Variants in STK39 observed in about 807,000 individuals in gnomAD.
The protein encoded by STK39 is serine/threonine kinase 39, also known as STE20/SPS1-related proline-alanine-rich protein kinase.
A neutral mutation model predicts 77.8 loss-of-function variants in STK39; 20 were observed. The observed-to-expected ratio is 0.26, with a 90% confidence interval of 0.18 to 0.37. The LOEUF is 0.37. Among genes scored for constraint, STK39 ranks in the 10% least tolerant of loss-of-function variants. STK39 has a pLI of 1.00. For missense variants in STK39, 479 were observed against 656.5 expected, an observed-to-expected ratio of 0.73 and a Z score of 2.95; for synonymous variants, 246 against 234.1, an observed-to-expected ratio of 1.05 and a Z score of -0.47.
intron 12 of STK39, among the ~76,000 whole-genome samples, chr2:168,069,020 G>A (rs868547811): frequency 1.9e-4 from 29 of 152,086 alleles, no homozygotes; most frequent in Admixed American, 1.1e-3. Flanking sequence ...GGGTTCAAGC[G>A]ATTCTCCTGC....
intron 8 of STK39, among the ~76,000 whole-genome samples, chr2:168,131,142 G>T (rs1282617938): frequency 6.6e-6 from 1 of 152,172 alleles, no homozygotes; most frequent in Admixed American, 6.5e-5. Flanking sequence ...AAAGTATTAA[G>T]TCTTTTACTT....
chr2:168,218,200 A>G (rs141532572), intron 1 of STK39, among the ~76,000 whole-genome samples: 87 of 152,330 alleles, frequency 5.7e-4, no homozygotes, highest in Non-Finnish European at 1.0e-3. Context: ...CCACACTCTA[A>G]CAAAGCTTCT....
At chr2:167,992,110 C>A (rs1036386736) in intron 16 of STK39, among the ~76,000 whole-genome samples, 4 of 152,136 alleles carry the variant, frequency 2.6e-5, no homozygotes, top group African/African-American at 7.2e-5. Flanking sequence ...GTCTGAAGTT[C>A]AAAAGTCTTC....
intron 1 of STK39, among the ~76,000 whole-genome samples, chr2:168,207,238 T>A (rs1029943360): frequency 1.3e-5 from 2 of 152,268 alleles, no homozygotes; most frequent in African/African-American, 2.4e-5. Flanking sequence ...ATTTCTTTAA[T>A]TCTCCTTTTT....
At chr2:168,108,194 C>G (rs1254805319) in intron 10 of STK39, among the ~76,000 whole-genome samples, 1 of 152,098 alleles carries the variant, frequency 6.6e-6, no homozygotes, top group Non-Finnish European at 1.5e-5. Context: ...TGTCTTGACT[C>G]GACGGTATAC....
At chr2:168,183,620 A>G (rs1357856036) in intron 1 of STK39, among the ~76,000 whole-genome samples, 1 of 152,200 alleles carries the variant, frequency 6.6e-6, no homozygotes, top group Non-Finnish European at 1.5e-5. Flanking sequence ...GTTCAACAGA[A>G]GACAAACAAC....
rs757466218 is a variant in STK39, at chr2:168,167,396, T to C, written c.333A>G (p.Gln111=). The part of the protein sequence containing the change: ...TSMDELLKEI[Q]AMSQCSHPNV... ...TGGGATGGCTGCACTGACTCATGGCTTGAATTTCTTTCTATAAAAAGAGCA... is the reference window on the plus strand; with the variant it reads ...TGGGATGGCTGCACTGACTCATGGCCTGAATTTCTTTCTATAAAAAGAGCA... Residue 111 remains glutamine, a synonymous_variant, in exon 3 of 18, where the codon CAA becomes CAG. Transcript: ENST00000355999. 1.2e-5 allele frequency: 20 copies of C among 1,613,448 alleles called. No homozygotes were observed. The highest frequency in any genetic ancestry group is 1.7e-4 in the Middle Eastern group (1 of 6,056).
intron 16 of STK39, among the ~76,000 whole-genome samples, chr2:167,987,302 C>A (rs879786512): frequency 4.6e-5 from 7 of 152,036 alleles, no homozygotes; most frequent in Non-Finnish European, 4.4e-5. Flanking sequence ...AGAGGATTTA[C>A]AGATTTAGAT....
intron 10 of STK39, among the ~76,000 whole-genome samples, chr2:168,080,981 T>C (rs1686214915): frequency 6.6e-6 from 1 of 152,194 alleles, no homozygotes; most frequent in Non-Finnish European, 1.5e-5. Context: ...TTTAGGAGGA[T>C]ATATGGAAAC....
chr2:168,072,199 A>G lies in STK39; in HGVS notation c.1242+2783T>C, dbSNP rs1463053374. On this transcript the variant is annotated intron_variant, in intron 12 of 17. Coordinates refer to ENST00000355999, the MANE Select transcript of STK39 (RefSeq NM_013233.3). The stretch of plus-strand genomic sequence containing the variant: ...ATTCATGTTTTAAAAATGACACGCT[A>G]GATTTTTTAATGAACATATTAGTAT... Among the ~76,000 whole-genome samples, 2 of 152,218 alleles carry G rather than the reference A, an allele frequency of 1.3e-5. 1 individual carries two copies. The highest frequency in any genetic ancestry group is 3.8e-4 in the East Asian group (2 of 5,200).
At chr2:168,201,195 C>T (rs1204070225) in intron 1 of STK39, among the ~76,000 whole-genome samples, 1 of 152,234 alleles carries the variant, frequency 6.6e-6, no homozygotes, top group African/African-American at 2.4e-5. Context: ...CTCACACTTT[C>T]ATTTATTAAG....
chr2:168,206,073 A>T (rs1346670968), intron 1 of STK39, among the ~76,000 whole-genome samples: 1 of 152,186 alleles, frequency 6.6e-6, no homozygotes. Context: ...TATAATATTC[A>T]TCTGGTCTAC....
intron 17 of STK39, among the ~76,000 whole-genome samples, chr2:167,956,856 G>A (rs568382164): frequency 6.6e-6 from 1 of 151,876 alleles, no homozygotes; most frequent in South Asian, 2.1e-4. Flanking sequence ...CTGGGAATGG[G>A]CAATTAATTA....
chr2:168,094,267 T>G (rs1306356791), intron 10 of STK39, among the ~76,000 whole-genome samples: 1 of 152,198 alleles, frequency 6.6e-6, no homozygotes, highest in Non-Finnish European at 1.5e-5. Flanking sequence ...GAGTCTTATC[T>G]CTGTAGCCTC....
chr2:168,022,851 A>G (rs745867552), intron 14 of STK39, among the ~76,000 whole-genome samples: 1 of 152,250 alleles, frequency 6.6e-6, no homozygotes, highest in African/African-American at 2.4e-5. Flanking sequence ...AGAAAAATAA[A>G]GCCACAGAAA....
chr2:168,123,738 G>A (rs1215922763), intron 10 of STK39, among the ~76,000 whole-genome samples: 4 of 151,570 alleles, frequency 2.6e-5, no homozygotes, highest in Non-Finnish European at 4.4e-5. Flanking sequence ...GCATGGTGGC[G>A]GGCACCTGTA....
intron 1 of STK39, among the ~76,000 whole-genome samples, chr2:168,209,229 A>G (rs547778134): frequency 6.6e-6 from 1 of 152,348 alleles, no homozygotes; most frequent in South Asian, 2.1e-4. Context: ...GTCTTAAGCA[A>G]AATCAAATAA....
chr2:168,039,782 A>T (rs1685057347), intron 14 of STK39, among the ~76,000 whole-genome samples: 1 of 152,224 alleles, frequency 6.6e-6, no homozygotes, highest in Non-Finnish European at 1.5e-5. Context: ...ATACTGTACT[A>T]AGTGGATGCA....
At chr2:168,246,484 G>A (rs372909052) in intron 1 of STK39, among the ~76,000 whole-genome samples, 1 of 152,256 alleles carries the variant, frequency 6.6e-6, no homozygotes, top group African/African-American at 2.4e-5. Context: ...CTGAAACAGA[G>A]GGAAGCATCG....
Sources: allele counts gnomAD v4.1 joint callset (sites outside exome capture counted in the v4.1 genomes callset), GRCh38; gene constraint gnomAD v4.1.1; transcripts MANE v1.5; gene names NCBI Gene and HGNC (gene_info 2026-07-23, HGNC 2026-07-21).